The following TAFA1 variants were observed in gnomAD, a reference collection of about 807,000 sequenced individuals.
The protein encoded by TAFA1 is chemokine-like protein TAFA-1.
TAFA1 carries 4 observed loss-of-function variants against 18.5 expected under a neutral mutation model. The observed-to-expected ratio is 0.22, with a 90% CI of 0.11 to 0.49. TAFA1 has a LOEUF of 0.49. TAFA1 is among the 20% of genes least tolerant of loss of function. The pLI, the probability that TAFA1 is intolerant of heterozygous loss-of-function variation, is 0.98. For missense variants in TAFA1, 147 were observed against 169.0 expected, an observed-to-expected ratio of 0.87 and a Z score of 0.72; for synonymous variants, 56 against 55.2, an observed-to-expected ratio of 1.01 and a Z score of -0.06.
chr3:68,381,774 C>T (rs1315275362), intron 2 of TAFA1, among the ~76,000 whole-genome samples: 1 of 152,090 alleles, frequency 6.6e-6, no homozygotes, highest in Non-Finnish European at 1.5e-5. Context: ...CCTTCTGCTG[C>T]CTGATTGCCC....
chr3:68,156,282 T>C (rs1247470738), intron 2 of TAFA1, among the ~76,000 whole-genome samples: 1 of 152,210 alleles, frequency 6.6e-6, no homozygotes, highest in Non-Finnish European at 1.5e-5. Flanking sequence ...CTAGCCCTTC[T>C]AACTAGGTAT....
At chr3:68,514,779 G>C (rs1035896546) in intron 3 of TAFA1, among the ~76,000 whole-genome samples, 1 of 151,626 alleles carries the variant, frequency 6.6e-6, no homozygotes, top group Non-Finnish European at 1.5e-5. Flanking sequence ...GAAAATTATT[G>C]GTTGGCTTAG....
chr3:68,430,381 A>G (rs2071147026), intron 3 of TAFA1, among the ~76,000 whole-genome samples: 1 of 152,014 alleles, frequency 6.6e-6, no homozygotes, highest in South Asian at 2.1e-4. Flanking sequence ...TGCATGAGAC[A>G]GAAGGCTGAA....
At chr3:68,211,169 A>G (rs920794921) in intron 2 of TAFA1, among the ~76,000 whole-genome samples, 1 of 151,948 alleles carries the variant, frequency 6.6e-6, no homozygotes, top group Admixed American at 6.6e-5. Flanking sequence ...CATTTCTACA[A>G]TATCTTATCG....
chr3:68,378,096 C>A (rs2106657842), intron 2 of TAFA1, among the ~76,000 whole-genome samples: 1 of 152,278 alleles, frequency 6.6e-6, no homozygotes, highest in Non-Finnish European at 1.5e-5. Context: ...GGTGTGAGGC[C>A]CCATACGGAG....
intron 2 of TAFA1, among the ~76,000 whole-genome samples, chr3:68,186,753 G>A (rs1006117306): frequency 1.3e-5 from 2 of 151,980 alleles, no homozygotes; most frequent in African/African-American, 4.8e-5. Flanking sequence ...ATCGAACATT[G>A]GTGTGTGCCT....
At chr3:68,082,532 C>G (rs1212363501) in intron 2 of TAFA1, among the ~76,000 whole-genome samples, 3 of 152,146 alleles carry the variant, frequency 2.0e-5, no homozygotes, top group Non-Finnish European at 4.4e-5. Flanking sequence ...CTCTCAAAGT[C>G]TTGTTTCCAC....
At chr3:68,311,194 G>A (rs545446559) in intron 2 of TAFA1, among the ~76,000 whole-genome samples, 26 of 152,210 alleles carry the variant, frequency 1.7e-4, no homozygotes, top group Admixed American at 4.6e-4. Context: ...TGATTCAATC[G>A]TGTCCCACTG....
chr3:68,385,808 AAATAC>A (rs2070087542), intron 2 of TAFA1, among the ~76,000 whole-genome samples: 1 of 152,040 alleles, frequency 6.6e-6, no homozygotes, highest in Admixed American at 6.6e-5. Context: ...TTTTTATTTG[AAATAC>A]AATTGTACGT....
chr3:68,112,946 A>C (rs1424852959), intron 2 of TAFA1, among the ~76,000 whole-genome samples: 2 of 152,176 alleles, frequency 1.3e-5, no homozygotes, highest in Non-Finnish European at 2.9e-5. Context: ...ATATTCATAG[A>C]CTGGAAGAAA....
At chr3:68,192,374 CTCCA>C (rs1443235861) in intron 2 of TAFA1, 1 of 162,186 alleles carries the variant, frequency 6.2e-6, no homozygotes, top group East Asian at 1.8e-4. Context: ...GCCTCCATGT[CTCCA>C]TTATGTGGTC....
chr3:68,307,944 A>G (rs2106667588), intron 2 of TAFA1, among the ~76,000 whole-genome samples: 1 of 152,182 alleles, frequency 6.6e-6, no homozygotes, highest in East Asian at 1.9e-4. Context: ...AAGCCTTCTT[A>G]AGTGTTCTGA....
intron 2 of TAFA1, among the ~76,000 whole-genome samples, chr3:68,370,973 A>G (rs1407328569): frequency 6.6e-6 from 1 of 151,918 alleles, no homozygotes; most frequent in East Asian, 1.9e-4. Context: ...TTTGCTTCTA[A>G]CTATAAAATT....
chr3:68,473,873 C>T (rs2072044348), intron 3 of TAFA1, among the ~76,000 whole-genome samples: 1 of 152,208 alleles, frequency 6.6e-6, no homozygotes, highest in Middle Eastern at 3.4e-3. Context: ...AGGGGTGTAA[C>T]CTTTGCTAAC....
chr3:68,048,192 A>G (rs2064415262), intron 2 of TAFA1, among the ~76,000 whole-genome samples: 1 of 152,138 alleles, frequency 6.6e-6, no homozygotes, highest in East Asian at 1.9e-4. Context: ...ATATTAAATA[A>G]TATAATATCT....
At chr3:68,122,170 G>T (rs371439543) in intron 2 of TAFA1, among the ~76,000 whole-genome samples, 1 of 151,848 alleles carries the variant, frequency 6.6e-6, no homozygotes, top group African/African-American at 2.4e-5. Flanking sequence ...TCTCTGTCTA[G>T]GTCTCTGATA....
chr3:68,437,268 C>T (rs2071282396), intron 3 of TAFA1, among the ~76,000 whole-genome samples: 1 of 133,946 alleles, frequency 7.5e-6, no homozygotes, highest in Non-Finnish European at 1.5e-5. Context: ...AGCACAATAA[C>T]ATTGTGCTAT....
chr3:68,410,523 C>T (rs961408639), intron 2 of TAFA1, among the ~76,000 whole-genome samples: 9 of 151,652 alleles, frequency 5.9e-5, no homozygotes, highest in South Asian at 2.1e-4. Flanking sequence ...TGTATGTTTT[C>T]TGCAGATTAA....
intron 2 of TAFA1, among the ~76,000 whole-genome samples, chr3:68,409,962 C>T (rs542536059): frequency 2.0e-5 from 3 of 152,208 alleles, no homozygotes; most frequent in East Asian, 1.9e-4. Flanking sequence ...TTAAAAGAAA[C>T]ATTATCCTTC....
Sources: gnomAD v4.1 joint callset for allele counts (sites outside exome capture counted in the v4.1 genomes callset) on GRCh38, gnomAD v4.1.1 for gene constraint, MANE v1.5 for transcripts, NCBI Gene and HGNC (gene_info 2026-07-23, HGNC 2026-07-21) for gene names.